PLAU: variants seen among roughly 807,000 people sequenced by gnomAD.
PLAU encodes the protein plasminogen activator, urokinase, also known as urokinase-type plasminogen activator.
Under a neutral mutation model 48.9 loss-of-function variants are expected in PLAU, and 32 were observed. The ratio of observed to expected loss-of-function variants is 0.65; its 90% CI spans 0.49 to 0.88. PLAU has a LOEUF of 0.88. Ranked by LOEUF, PLAU falls within the 40% of genes least tolerant of loss-of-function variation. The pLI, the probability that PLAU is intolerant of heterozygous loss-of-function variation, is 0.00. For missense variants in PLAU, 455 were observed against 545.2 expected, an observed-to-expected ratio of 0.83 and a Z score of 1.65; for synonymous variants, 199 against 205.7, an observed-to-expected ratio of 0.97 and a Z score of 0.28.
At position 73,914,117 on chromosome 10, in the gene PLAU, A is replaced by T; in HGVS notation, c.818A>T (p.His273Leu). Residue 273 changes from histidine to leucine, a missense_variant, in exon 8 of 11, where the codon CAC (histidine) becomes CTC (leucine). Coordinates refer to ENST00000372764, the MANE Select transcript of PLAU (RefSeq NM_002658.6). The part of the protein sequence containing the change: ...KDYSADTLAH[H>L]NDIALLKIRS... Reference sequence around the variant, plus strand: ...TACAGCGCTGACACGCTTGCTCACCACAACGACATTGGTGAGGGGGAACCC... The same window carrying T: ...TACAGCGCTGACACGCTTGCTCACCTCAACGACATTGGTGAGGGGGAACCC... 1 of 1,614,146 alleles carries T rather than the reference A, an allele frequency of 6.2e-7. No homozygotes were observed. Among genetic ancestry groups the T allele is most frequent in the Non-Finnish European group, 8.5e-7 (1 of 1,180,026 alleles).
At chr10:73,911,266 C>T in intron 1 of PLAU, 48 bp downstream of exon 1, 1 of 495,682 alleles carries the variant, frequency 2.0e-6, no homozygotes. Flanking sequence ...GCGGCGGCCC[C>T]AGCTCCCGAG....
chr10:73,912,303 A>C lies in PLAU; in HGVS notation c.174A>C (p.Gly58=). The change falls in exon 4 of 11, where the codon GGA becomes GGC. Residue 58 remains glycine, a synonymous_variant. Coordinates refer to ENST00000372764, the MANE Select transcript of PLAU (RefSeq NM_002658.6). Reference sequence around the variant, plus strand: ...GGTGCAACTGCCCAAAGAAATTCGGAGGGCAGCACTGTGAAATAGGTATGG... The same window carrying C: ...GGTGCAACTGCCCAAAGAAATTCGGCGGGCAGCACTGTGAAATAGGTATGG... ...IHWCNCPKKF[G]GQHCEIDKSK... 1 of 1,434,784 alleles carries C rather than the reference A, an allele frequency of 7.0e-7. No individual in the cohort carries two copies. The highest frequency in any genetic ancestry group is 9.4e-7 in the Non-Finnish European group (1 of 1,066,308). The allele number at this position is 1,434,784 out of a possible 1,614,324, so 88.9% of individuals were successfully genotyped here. A position where few individuals can be genotyped will look rare whatever the true frequency, so the allele number is the denominator to read the frequency against.
At chr10:73,913,887 G>A (rs1175511768) in intron 7 of PLAU, 93 bp from the exon 8 acceptor site, 3 of 1,426,284 alleles carry the variant, frequency 2.1e-6, no homozygotes, top group Non-Finnish European at 2.9e-6. Flanking sequence ...CATGGCCTTG[G>A]GGACAAGTCG....
intron 4 of PLAU, 75 bp from the exon 5 acceptor site, chr10:73,912,849 C>CAAAA: frequency 9.7e-6 from 10 of 1,032,490 alleles, no homozygotes; most frequent in Admixed American, 2.6e-5. Flanking sequence ...GACTCCATCT[C>CAAAA]AAAAAAAAAA....
At chr10:73,912,462 C>G (rs1487651601) in intron 4 of PLAU, 140 bp downstream of exon 4, 1 of 671,152 alleles carries the variant, frequency 1.5e-6, no homozygotes, top group Non-Finnish European at 2.6e-6. Flanking sequence ...TAAACACACA[C>G]ACACGCTCAC....
intron 9 of PLAU, 47 bp downstream of exon 9, chr10:73,914,963 G>C (rs368869045): frequency 4.7e-5 from 75 of 1,600,416 alleles, no homozygotes; most frequent in Middle Eastern, 1.7e-4. Flanking sequence ...GGAGTGTTTT[G>C]ACCTGAAAAT....
At chr10:73,914,705 C>T in intron 8 of PLAU, 71 bp from the exon 9 acceptor site, 1 of 1,481,526 alleles carries the variant, frequency 6.7e-7, no homozygotes, top group East Asian at 2.3e-5. Flanking sequence ...TTCCTCGGCA[C>T]TTGGAGGGGA....
At chr10:73,913,496 C>T in intron 6 of PLAU, 43 bp from the exon 7 acceptor site, 2 of 1,565,666 alleles carry the variant, frequency 1.3e-6, no homozygotes, top group Non-Finnish European at 8.8e-7. Context: ...GGGATGCTTT[C>T]TCCTACCTGC....
rs376161294 is a variant in PLAU at position 73,913,332 on chromosome 10, G to A, written c.411G>A (p.Val137=). Residue 137 remains valine (V), a synonymous_variant, in exon 6 of 11, where the codon GTG becomes GTA. Coordinates refer to ENST00000372764, the MANE Select transcript of PLAU (RefSeq NM_002658.6). ...GGCGACCCTGGTGCTATGTGCAGGT[G>A]GGCCTAAAGCTGCTTGTCCAAGAGT... ...NRRRPWCYVQ[V]GLKLLVQECM... is the part of the protein sequence containing the mutation. 2.5e-6 allele frequency: 4 copies of A among 1,614,174 alleles called. No individual in the cohort carries two copies. Among genetic ancestry groups the A allele is most frequent in the Non-Finnish European group, 2.5e-6 (3 of 1,180,028 alleles).
intron 7 of PLAU, 54 bp downstream of exon 7, chr10:73,913,812 C>T: frequency 6.9e-7 from 1 of 1,448,414 alleles, no homozygotes; most frequent in Non-Finnish European, 9.5e-7. Context: ...CAAGCACATC[C>T]CTTTCTCCTT....
At chr10:73,911,919 G>C (rs1439187534) in intron 2 of PLAU, 122 bp from the exon 3 acceptor site, 3 of 1,597,186 alleles carry the variant, frequency 1.9e-6, no homozygotes, top group African/African-American at 1.3e-5. Context: ...AACTAGATAC[G>C]AACAGGGTGA....
chr10:73,911,276 G>A, intron 1 of PLAU, 58 bp downstream of exon 1: 2 of 515,284 alleles, frequency 3.9e-6, no homozygotes, highest in Non-Finnish European at 6.8e-6. Context: ...CAGCTCCCGA[G>A]CGTCTGCCTC....
At chr10:73,913,461 C>CT (rs1037364949) in intron 6 of PLAU, 78 bp from the exon 7 acceptor site, 1 of 1,547,932 alleles carries the variant, frequency 6.5e-7, no homozygotes, top group Non-Finnish European at 8.9e-7. Flanking sequence ...CACAGGAGGA[C>CT]TGAGGAGGTG....
Position 73,915,261 on chromosome 10 carries a change from C to G in PLAU, c.981C>G (p.Leu327=), listed in dbSNP as rs2136190965. 6.2e-7 allele frequency: 1 copy of G among 1,612,856 alleles called. No homozygotes were observed. Among genetic ancestry groups the G allele is most frequent in the East Asian group, 2.2e-5 (1 of 44,878 alleles). Residue 327 remains leucine, a synonymous_variant, in exon 10 of 11, where the codon CTC becomes CTG. Transcript: ENST00000372764. ...GFGKENSTDY[L]YPEQLKMTVV... is the part of the protein sequence containing the mutation. ...GTTTTCTCCACCTAGCCGACTATCT[C>G]TATCCGGAGCAGCTGAAAATGACTG...
At position 73,915,370 on chromosome 10, in the gene PLAU, G is replaced by T; in HGVS notation, c.1090G>T (p.Asp364Tyr). Residue 364 changes from aspartate (D) to tyrosine (Y), a missense_variant, in exon 10 of 11, where the codon GAC (aspartate) becomes TAC (tyrosine). Transcript: ENST00000372764. ...EVTTKMLCAA[D>Y]PQWKTDSCQG... ...CACCACCAAAATGCTGTGTGCTGCT[G>T]ACCCACAGTGGAAAACAGATTCCTG... 1 of 1,611,268 alleles carries T rather than the reference G, an allele frequency of 6.2e-7. No individual in the cohort carries two copies. Among genetic ancestry groups the T allele is most frequent in the African/African-American group, 1.3e-5 (1 of 74,844 alleles).
At position 73,913,619 on chromosome 10, in the gene PLAU, G is replaced by C; in HGVS notation, c.541G>C (p.Gly181Arg). The change falls in exon 7 of 11, where the codon GGG becomes CGG. Residue 181 changes from glycine (G) to arginine (R), a missense_variant. Coordinates refer to ENST00000372764, the MANE Select transcript of PLAU (RefSeq NM_002658.6). The stretch of plus-strand genomic sequence containing the variant: ...TCTGAGGCCCCGCTTTAAGATTATT[G>C]GGGGAGAATTCACCACCATCGAGAA... Reference protein sequence around the residue: ...KTLRPRFKIIGGEFTTIENQP... With the variant: ...KTLRPRFKIIRGEFTTIENQP... 6.2e-7 allele frequency: 1 copy of C among 1,613,870 alleles called. No individual in the cohort carries two copies. Among genetic ancestry groups the C allele is most frequent in the Middle Eastern group, 1.7e-4 (1 of 6,058 alleles).
intron 9 of PLAU, 117 bp from the exon 10 acceptor site, chr10:73,915,134 G>T (rs1288035410): frequency 5.1e-6 from 6 of 1,181,062 alleles, no homozygotes; most frequent in Non-Finnish European, 7.3e-6. Flanking sequence ...GCTCAGATTT[G>T]CATGGAAGAG....
At position 73,915,256 on chromosome 10, in the gene PLAU, T is replaced by C; in HGVS notation, c.976T>C (p.Tyr326His). 6.2e-7 allele frequency: 1 copy of C among 1,611,478 alleles called. No individual in the cohort carries two copies. The highest frequency in any genetic ancestry group is 8.5e-7 in the Non-Finnish European group (1 of 1,179,110). Residue 326 changes from tyrosine (Y) to histidine (H), a missense_variant, in exon 10 of 11, where the codon TAT becomes CAT. Transcript: ENST00000372764. ...TCCCTGTTTTCTCCACCTAGCCGAC[T>C]ATCTCTATCCGGAGCAGCTGAAAAT... is the stretch of plus-strand genomic sequence containing the variant. ...TGFGKENSTDYLYPEQLKMTV... is the reference protein window; with the variant it reads ...TGFGKENSTDHLYPEQLKMTV...
At position 73,913,553 on chromosome 10, in the gene PLAU, T is replaced by C; in HGVS notation, c.475T>C (p.Ser159Pro). 1 of 1,612,698 alleles carries C rather than the reference T, an allele frequency of 6.2e-7. No homozygotes were observed. The highest frequency in any genetic ancestry group is 1.1e-5 in the South Asian group (1 of 91,022). The change falls in exon 7 of 11, where the codon TCT (serine) becomes CCT (proline). Residue 159 changes from serine to proline, a missense_variant. Coordinates refer to ENST00000372764, the MANE Select transcript of PLAU (RefSeq NM_002658.6). Reference protein sequence around the residue: ...HDCADGKKPSSPPEELKFQCG... With the variant: ...HDCADGKKPSPPPEELKFQCG... ...TTGTCCTCCAGGAAAAAAGCCCTCC[T>C]CTCCTCCAGAAGAATTAAAATTTCA...
Sources: allele counts gnomAD v4.1 joint callset, GRCh38; gene constraint gnomAD v4.1.1; transcripts MANE v1.5; gene names NCBI Gene and HGNC (gene_info 2026-07-23, HGNC 2026-07-21).